ETV1: variants seen among roughly 807,000 people sequenced by gnomAD.
ETV1 encodes ETS translocation variant 1.
Under a neutral mutation model 62.3 loss-of-function variants are expected in ETV1, and 27 were observed. That is an observed-to-expected ratio of 0.43 (90% CI 0.32 to 0.60). ETV1 has a LOEUF of 0.60. Among genes scored for constraint, ETV1 ranks in the 20% least tolerant of loss-of-function variants. The probability of loss-of-function intolerance (pLI) is 0.06; values close to 1 mark genes in which losing one functional copy is unlikely to be tolerated. For missense variants in ETV1, 605 were observed against 605.8 expected (o/e 1.00, Z 0.01); for synonymous variants, 222 against 199.6 (o/e 1.11, Z -0.94).
intron 4 of ETV1, among the ~76,000 whole-genome samples, chr7:13,987,338 G>T (rs1271137342): frequency 6.6e-6 from 1 of 152,074 alleles, no homozygotes; most frequent in South Asian, 2.1e-4. Context: ...TAAATGGTAT[G>T]AAGATTTGAG....
At chr7:13,933,326 C>A (rs1024262825) in intron 8 of ETV1, among the ~76,000 whole-genome samples, 2 of 152,088 alleles carry the variant, frequency 1.3e-5, no homozygotes, top group Non-Finnish European at 2.9e-5. Context: ...GGTTTTGGTG[C>A]AATTCTTAGG....
At chr7:13,911,348 T>C (rs1260733670) in intron 9 of ETV1, 41 bp from the exon 10 acceptor site, 1 of 1,430,234 alleles carries the variant, frequency 7.0e-7, no homozygotes, top group Admixed American at 1.7e-5. Flanking sequence ...AGTCTGGAGC[T>C]GAAACGCTGC....
At chr7:13,973,158 A>G (rs1026357225) in intron 6 of ETV1, among the ~76,000 whole-genome samples, 27 of 152,214 alleles carry the variant, frequency 1.8e-4, no homozygotes, top group Non-Finnish European at 2.5e-4. Context: ...AGTCAAATGC[A>G]TGTTCTATAA....
Position 13,931,761 on chromosome 7 carries a change from G to A in ETV1, c.555-12C>T. On this transcript the variant is annotated splice_polypyrimidine_tract_variant and intron_variant, in intron 8 of 13. Coordinates refer to ENST00000430479, the MANE Select transcript of ETV1 (RefSeq NM_004956.5). ...GCTGGCGGCGAAATCTAGGGAATAA[G>A]AGAGTGTGTTTCAGATGAAACGGTA... 6.2e-7 allele frequency: 1 copy of A among 1,612,636 alleles called. No homozygotes were observed. The highest frequency in any genetic ancestry group is 8.5e-7 in the Non-Finnish European group (1 of 1,178,722).
chr7:13,933,559 C>T (rs1016958893), intron 8 of ETV1, among the ~76,000 whole-genome samples: 1 of 152,192 alleles, frequency 6.6e-6, no homozygotes, highest in Non-Finnish European at 1.5e-5. Flanking sequence ...AAGCAGGGTG[C>T]AGGCCAGTTG....
chr7:13,917,896 G>A (rs1373837091), intron 9 of ETV1, among the ~76,000 whole-genome samples: 3 of 151,768 alleles, frequency 2.0e-5, no homozygotes, highest in African/African-American at 4.8e-5. Context: ...CCCGGGAGGC[G>A]GAGCTTGCAG....
chr7:13,911,640 C>T (rs1435213539), intron 9 of ETV1, among the ~76,000 whole-genome samples: 1 of 152,106 alleles, frequency 6.6e-6, no homozygotes, highest in Non-Finnish European at 1.5e-5. Flanking sequence ...TGCATCAGGA[C>T]ATTTAGCAAA....
At chr7:13,981,359 C>T (rs1264118208) in intron 5 of ETV1, among the ~76,000 whole-genome samples, 1 of 152,070 alleles carries the variant, frequency 6.6e-6, no homozygotes, top group Non-Finnish European at 1.5e-5. Context: ...GTGGCCCAAC[C>T]ACAATCTTTT....
At chr7:13,990,648 A>C (rs1782961574), upstream of ETV1, 1 of 152,308 alleles carries the variant, frequency 6.6e-6, no homozygotes, top group Non-Finnish European at 1.5e-5. Context: ...AAGGACAATA[A>C]CTAGGACGTT....
chr7:13,920,345 T>C (rs1784699419), intron 9 of ETV1, among the ~76,000 whole-genome samples: 1 of 152,160 alleles, frequency 6.6e-6, no homozygotes, highest in African/African-American at 2.4e-5. Context: ...CCAATGAGCA[T>C]TAATCATTAC....
In ETV1 at chr7:13,896,106, A is replaced by G; in HGVS notation, c.1213-19T>C. On this transcript the variant is annotated intron_variant, in intron 13 of 13. Transcript: ENST00000430479. ...CAGCCACCTGATGATAACATGGAAG[A>G]GAAAAACCCATCCTCACCATCGCCA... is the stretch of plus-strand genomic sequence containing the variant. The G allele has an allele frequency of 6.3e-7, 1 of 1,597,594 alleles. No homozygotes were observed. Among genetic ancestry groups the G allele is most frequent in the Non-Finnish European group, 8.6e-7 (1 of 1,167,798 alleles).
At chr7:13,927,592 T>C (rs1400628689) in intron 9 of ETV1, among the ~76,000 whole-genome samples, 1 of 150,114 alleles carries the variant, frequency 6.7e-6, no homozygotes, top group African/African-American at 2.5e-5. Flanking sequence ...ATGCATTAGA[T>C]TTCCTCAAAG....
rs1381057085 is a variant in ETV1, at chr7:13,935,910, A to C, written c.366-14T>G. ...TGATCATAGGCACTACCCAGGGGAC[A>C]AAAGAAGAGAGAACATTTCTTTCTT... is the stretch of plus-strand genomic sequence containing the variant. On this transcript the variant is annotated splice_polypyrimidine_tract_variant and intron_variant, in intron 7 of 13. Transcript: ENST00000430479. The C allele has an allele frequency of 6.4e-7, 1 of 1,573,804 alleles. No homozygotes were observed. Among genetic ancestry groups the C allele is most frequent in the Non-Finnish European group, 8.6e-7 (1 of 1,156,544 alleles).
chr7:13,907,350 T>G (rs937781200), intron 11 of ETV1, among the ~76,000 whole-genome samples: 1 of 152,160 alleles, frequency 6.6e-6, no homozygotes, highest in Non-Finnish European at 1.5e-5. Flanking sequence ...CTTGCTATTG[T>G]TTTTTCTAAA....
Position 13,906,576 on chromosome 7 carries a change from T to C in ETV1, c.964A>G (p.Met322Val), listed in dbSNP as rs1782984642. 1.9e-6 allele frequency: 3 copies of C among 1,609,246 alleles called. No individual in the cohort carries two copies. Among genetic ancestry groups the C allele is most frequent in the Non-Finnish European group, 2.5e-6 (3 of 1,178,166 alleles). ...FDGDIKQEPG[M>V]YREGPTYQRR... ...TGGTATGTGGGTCCTTCCCGATACA[T>C]TCCTGGCTCTTGTTTGATGTCTCCT... Residue 322 changes from methionine to valine, a missense_variant, in exon 12 of 14, where the codon ATG (methionine) becomes GTG (valine). Met to Val is a conservative substitution (Grantham distance 21, BLOSUM62 1). Transcript: ENST00000430479.
chr7:13,989,298 A>G lies in ETV1; in HGVS notation c.-118T>C, dbSNP rs772086444. The G allele has an allele frequency of 1.6e-5, 8 of 493,702 alleles. No individual in the cohort carries two copies. Among genetic ancestry groups the G allele is most frequent in the Non-Finnish European group, 2.8e-5 (8 of 282,040 alleles). The allele number at this position is 493,702 out of a possible 1,614,324, so 30.6% of individuals were successfully genotyped here. A position where few individuals can be genotyped will look rare whatever the true frequency, so the allele number is the denominator to read the frequency against. On this transcript the variant is annotated 5_prime_UTR_variant, in exon 2 of 14. Transcript: ENST00000430479. ...TCCAAAGAGAGCCAACAGAGTTCAC[A>G]ATTTACATATTTTCGGTAGTAGCAA... is the stretch of plus-strand genomic sequence containing the variant.
chr7:13,968,923 C>T (rs1276802592), intron 6 of ETV1, among the ~76,000 whole-genome samples: 1 of 152,126 alleles, frequency 6.6e-6, no homozygotes, highest in Non-Finnish European at 1.5e-5. Context: ...AGAGAGCCTA[C>T]TTGCAAGATG....
rs1393685768 is a variant in ETV1, at chr7:13,891,561, T to C, written c.*4305A>G. On this transcript the variant is annotated 3_prime_UTR_variant, in exon 14 of 14. Coordinates refer to ENST00000430479, the MANE Select transcript of ETV1 (RefSeq NM_004956.5). ...ATCAAATTCTCCTCTTAAACTGTAC[T>C]TTCCATAAACTGTTTTTTTTTTAAG... is the stretch of plus-strand genomic sequence containing the variant. 4.3e-6 allele frequency: 1 copy of C among 231,308 alleles called. No homozygotes were observed. The highest frequency in any genetic ancestry group is 2.2e-5 in the African/African-American group (1 of 45,172). The allele number at this position is 231,308 out of a possible 1,614,324, so 14.3% of individuals were successfully genotyped here.
intron 6 of ETV1, among the ~76,000 whole-genome samples, chr7:13,961,762 A>C (rs1790195155): frequency 6.6e-6 from 1 of 152,184 alleles, no homozygotes; most frequent in Non-Finnish European, 1.5e-5. Flanking sequence ...TCTGTATTAC[A>C]AGTATCAGAA....
Sources: gnomAD v4.1 joint callset for allele counts (sites outside exome capture counted in the v4.1 genomes callset) on GRCh38, gnomAD v4.1.1 for gene constraint, MANE v1.5 for transcripts, NCBI Gene and HGNC (gene_info 2026-07-23, HGNC 2026-07-21) for gene names.